The following LRRC23 variants were observed in gnomAD, a reference collection of about 807,000 sequenced individuals.
The protein encoded by LRRC23 is leucine-rich repeat-containing protein 23.
In LRRC23, 28 loss-of-function variants were observed where a neutral mutation model predicts 37.7. The observed-to-expected ratio is 0.74, with a 90% CI of 0.55 to 1.02. LRRC23 has a LOEUF of 1.02. Ranked by LOEUF, LRRC23 falls within the 50% of genes least tolerant of loss-of-function variation. LRRC23 has a pLI of 0.00. For missense variants in LRRC23, 377 were observed against 413.2 expected (o/e 0.91, Z 0.76); for synonymous variants, 161 against 165.4 (o/e 0.97, Z 0.20).
chr12:6,909,958 A>C lies in LRRC23; in HGVS notation c.690A>C (p.Arg230=). 1 of 1,613,960 alleles carries C rather than the reference A, an allele frequency of 6.2e-7. No homozygotes were observed. Among genetic ancestry groups the C allele is most frequent in the Middle Eastern group, 1.7e-4 (1 of 6,042 alleles). The change falls in exon 6 of 8, where the codon CGA becomes CGC. Residue 230 remains arginine (R), a synonymous_variant. Coordinates refer to ENST00000443597, the MANE Select transcript of LRRC23 (RefSeq NM_001135217.2). ...GCAATCTCACCACCTTGCATCTTCG[A>C]GACAACCAGATTGACACCCTGAGTG... ...DLSNLTTLHL[R]DNQIDTLSGF...
At chr12:6,913,551 GTTTGTTTTTTTTT>G (rs1479659549) in intron 7 of LRRC23, among the ~76,000 whole-genome samples, 13 of 78,172 alleles carry the variant, frequency 1.7e-4, no homozygotes, top group East Asian at 5.4e-4. Context: ...ATTTACCTCT[GTTTGTTTTTTTTT>G]TTTTTTTTTT....
intron 5 of LRRC23, among the ~76,000 whole-genome samples, chr12:6,909,023 G>A (rs1464334263): frequency 3.6e-5 from 3 of 84,488 alleles, no homozygotes; most frequent in South Asian, 3.1e-4. Context: ...GATGAAAACC[G>A]ATATATATAT....
At position 6,914,118 on chromosome 12, in the gene LRRC23, G is replaced by C; in HGVS notation, c.*252G>C. On this transcript the variant is annotated 3_prime_UTR_variant, in exon 8 of 8. Transcript: ENST00000443597. The surrounding 1 kb of genome is among the most constrained non-coding windows in gnomAD (Gnocchi z 7.1). ...TAGGCCGGGGGCCGCCCTCGGGCAGGCGTGGGTGAGAGCCAAGACCGCGTG... is the reference window on the plus strand; with the variant it reads ...TAGGCCGGGGGCCGCCCTCGGGCAGCCGTGGGTGAGAGCCAAGACCGCGTG... 1 of 1,501,164 alleles carries C rather than the reference G, an allele frequency of 6.7e-7. No individual in the cohort carries two copies. Among genetic ancestry groups the C allele is most frequent in the South Asian group, 1.4e-5 (1 of 72,964 alleles). 93.0% of individuals were successfully genotyped at this position (1,501,164 alleles called of 1,614,324 possible).
At chr12:6,912,274 T>C (rs1945178064) in intron 6 of LRRC23, among the ~76,000 whole-genome samples, 1 of 152,130 alleles carries the variant, frequency 6.6e-6, no homozygotes, top group Non-Finnish European at 1.5e-5. Flanking sequence ...CTCAGCTAAG[T>C]AGCAAGGACT....
rs782122756 is a variant in LRRC23 at position 6,913,890 on chromosome 12, G to C, written c.*25-1G>C. The C allele has an allele frequency of 1.7e-5, 27 of 1,584,520 alleles. No homozygotes were observed. The highest frequency in any genetic ancestry group is 2.1e-5 in the Non-Finnish European group (25 of 1,166,694). ...TATTTACTTCTGTCTTCTACCTCCA[G>C]GAGATCAAAGACGCTGGCCTTCAGA... On this transcript the variant is annotated splice_acceptor_variant, in intron 7 of 7. Transcript: ENST00000443597. LOFTEE classifies it low-confidence loss of function (3UTR_SPLICE).
chr12:6,907,857 T>C, intron 5 of LRRC23: 1 of 321,400 alleles, frequency 3.1e-6, no homozygotes, highest in Non-Finnish European at 5.8e-6. Context: ...AGACACCAGC[T>C]GGGTGATCTC....
chr12:6,906,706 C>G, intron 4 of LRRC23, 44 bp downstream of exon 4: 1 of 1,596,640 alleles, frequency 6.3e-7, no homozygotes, highest in Admixed American at 1.7e-5. Context: ...TCCTTCCTAG[C>G]CTGAGGCCAA....
intron 6 of LRRC23, 21 bp from the exon 7 acceptor site, chr12:6,912,709 C>T: frequency 3.7e-6 from 6 of 1,608,914 alleles, no homozygotes; most frequent in Non-Finnish European, 4.2e-6. Flanking sequence ...CTGCATGAAC[C>T]CCTCCTGACC....
At chr12:6,909,164 A>ATATATTATATATT in intron 5 of LRRC23, among the ~76,000 whole-genome samples, 1 of 1,612 alleles carries the variant, frequency 6.2e-4, no homozygotes, top group Non-Finnish European at 9.5e-4. Context: ...TATTATATAT[A>ATATATTATATATT]AAATATATAA....
chr12:6,905,719 G>C lies in LRRC23; in HGVS notation c.86G>C (p.Gly29Ala), dbSNP rs1565551135. 1.9e-6 allele frequency: 3 copies of C among 1,613,520 alleles called. No homozygotes were observed. The Admixed American group carries it at 5.0e-5, about 27-fold the overall frequency. ...GAGGACGAGAAGGAGACAGAGGAGG[G>C]GGAGGACTACAGAAAAGAGGGGGAA... ...KEEDEKETEEGEDYRKEGEEF... is the reference protein window; with the variant it reads ...KEEDEKETEEAEDYRKEGEEF... The change falls in exon 2 of 8, where the codon GGG (glycine) becomes GCG (alanine). Residue 29 changes from glycine to alanine, a missense_variant. This residue lies in a region of LRRC23 where 106 missense variants were observed against 105.9 expected (regional missense o/e 1.00). Coordinates refer to ENST00000443597, the MANE Select transcript of LRRC23 (RefSeq NM_001135217.2).
chr12:6,913,970 C>G lies in LRRC23; in HGVS notation c.*104C>G. 6.2e-7 allele frequency: 1 copy of G among 1,613,900 alleles called. No individual in the cohort carries two copies. Among genetic ancestry groups the G allele is most frequent in the African/African-American group, 1.3e-5 (1 of 74,998 alleles). On this transcript the variant is annotated 3_prime_UTR_variant, in exon 8 of 8. Coordinates refer to ENST00000443597, the MANE Select transcript of LRRC23 (RefSeq NM_001135217.2). ...CATGTATGACAGAGAACAGAGGATGCCTGTTTTTGCCCCAAAGCTGGAAAT... is the reference window on the plus strand; with the variant it reads ...CATGTATGACAGAGAACAGAGGATGGCTGTTTTTGCCCCAAAGCTGGAAAT...
Position 6,905,600 on chromosome 12 carries a change from T to C in LRRC23, c.-34T>C. 6.2e-7 allele frequency: 1 copy of C among 1,612,608 alleles called. No homozygotes were observed. The highest frequency in any genetic ancestry group is 8.5e-7 in the Non-Finnish European group (1 of 1,179,122). On this transcript the variant is annotated 5_prime_UTR_variant, in exon 2 of 8. Transcript: ENST00000443597. ...TCTTTTTCAGGAGGAGGACTGAGCT[T>C]ATCTGACTCCAGAGCTTTCAGGAGG...
rs781933171 is a variant in LRRC23, at chr12:6,907,347, C to A, written c.523C>A (p.Pro175Thr). Residue 175 changes from proline (P) to threonine (T), a missense_variant, in exon 5 of 8, where the codon CCC becomes ACC. Transcript: ENST00000443597. Reference protein sequence around the residue: ...NSIHMVTGLDPEKLISLHTVE... With the variant: ...NSIHMVTGLDTEKLISLHTVE... ...CATCCACATGGTGACAGGTCTGGAC[C>A]CCGAGAAGTTGATCAGCCTGCACAC... The A allele has an allele frequency of 1.9e-6, 3 of 1,613,808 alleles. No homozygotes were observed. The African/African-American group carries it at 4.0e-5, about 22-fold the overall frequency.
At position 6,912,753 on chromosome 12, in the gene LRRC23, G is replaced by A. The variant is rs1555140906; in HGVS notation, c.782G>A (p.Gly261Glu). 2 of 1,613,908 alleles carry A rather than the reference G, an allele frequency of 1.2e-6. No homozygotes were observed. The highest frequency in any genetic ancestry group is 1.7e-6 in the Non-Finnish European group (2 of 1,180,010). The change falls in exon 7 of 8, where the codon GGG becomes GAG. Residue 261 changes from glycine (G) to glutamate (E), a missense_variant. By Grantham distance (98) the Gly-to-Glu change is moderately conservative (BLOSUM62 -2). This residue lies in a region of LRRC23 where 266 missense variants were observed against 285.6 expected (regional missense o/e 0.93). Transcript: ENST00000443597. ...NLRGNMVANL[G>E]ELAKLRDLPK... ...AGGGGCAACATGGTGGCCAACCTGG[G>A]GGAGCTGGCCAAGCTTCGAGACCTG... is the stretch of plus-strand genomic sequence containing the variant.
intron 5 of LRRC23, chr12:6,907,730 A>C (rs1381374235): frequency 5.1e-6 from 3 of 583,460 alleles, no homozygotes; most frequent in Non-Finnish European, 9.2e-6. Context: ...ATGTTTTAGG[A>C]AAACCCTCCT....
chr12:6,905,423 G>C (rs1444193711), intron 1 of LRRC23, among the ~76,000 whole-genome samples, 162 bp from the exon 2 acceptor site: 1 of 152,108 alleles, frequency 6.6e-6, no homozygotes, highest in African/African-American at 2.4e-5. Flanking sequence ...TCAGTGGAAA[G>C]TGTGAAGTGG....
At chr12:6,909,502 T>TTTATATTTTATATAATATATTTTATATA (rs1945105926) in intron 5 of LRRC23, among the ~76,000 whole-genome samples, 1 of 76,576 alleles carries the variant, frequency 1.3e-5, no homozygotes, top group African/African-American at 5.7e-5. Context: ...TATTATATAT[T>TTTATATTTTATATAATATATTTTATATA]ATATATATAA....
intron 6 of LRRC23, among the ~76,000 whole-genome samples, chr12:6,911,286 G>A (rs1298854045): frequency 6.6e-6 from 1 of 152,180 alleles, no homozygotes; most frequent in African/African-American, 2.4e-5. Flanking sequence ...AGATTCTTGA[G>A]CTGGTAATGG....
chr12:6,905,201 A>G (rs1018615646), intron 1 of LRRC23, 126 bp downstream of exon 1: 8 of 181,054 alleles, frequency 4.4e-5, no homozygotes, highest in South Asian at 9.6e-5. Context: ...TGAATGGAGC[A>G]GGGATTACGG....
Sources: allele counts gnomAD v4.1 joint callset (sites outside exome capture counted in the v4.1 genomes callset), GRCh38; gene constraint gnomAD v4.1.1; regional missense constraint gnomAD v4.1.1; non-coding constraint Gnocchi (gnomAD v3.1); transcripts MANE v1.5; gene names NCBI Gene and HGNC (gene_info 2026-07-23, HGNC 2026-07-21).